ATG10: variants seen among roughly 807,000 people sequenced by gnomAD.
ATG10 encodes ubiquitin-like-conjugating enzyme ATG10.
Under a neutral mutation model 32.1 loss-of-function variants are expected in ATG10, and 30 were observed. The ratio of observed to expected loss-of-function variants is 0.94; its 90% CI spans 0.70 to 1.27. The LOEUF is 1.27. Among genes scored for constraint, ATG10 ranks in the 50% most tolerant of loss-of-function variants. The pLI, the probability that ATG10 is intolerant of heterozygous loss-of-function variation, is 0.00. For missense variants in ATG10, 233 were observed against 262.3 expected, an observed-to-expected ratio of 0.89 and a Z score of 0.77; for synonymous variants, 87 against 91.5, an observed-to-expected ratio of 0.95 and a Z score of 0.28.
intron 1 of ATG10, among the ~76,000 whole-genome samples, chr5:81,974,663 G>A (rs1425822160): frequency 1.3e-5 from 2 of 152,110 alleles, no homozygotes; most frequent in Non-Finnish European, 2.9e-5. Context: ...GGAGTGCAGT[G>A]GCTATTTAGA....
intron 3 of ATG10, among the ~76,000 whole-genome samples, chr5:82,138,062 G>A (rs1488452624): frequency 6.6e-6 from 1 of 152,156 alleles, no homozygotes; most frequent in African/African-American, 2.4e-5. Flanking sequence ...CAGTAATGGT[G>A]GACGCCCCTG....
At chr5:82,143,843 G>A (rs1017352663) in intron 3 of ATG10, among the ~76,000 whole-genome samples, 1 of 152,090 alleles carries the variant, frequency 6.6e-6, no homozygotes, top group Non-Finnish European at 1.5e-5. Flanking sequence ...AGGTAATTTT[G>A]TCCTATAAAA....
Position 82,252,593 on chromosome 5 carries a change from T to TAC in ATG10, c.486_487dup (p.Leu163HisfsTer11). The TAC allele has an allele frequency of 1.2e-6, 2 of 1,610,212 alleles. No individual in the cohort carries two copies. Among genetic ancestry groups the TAC allele is most frequent in the Non-Finnish European group, 1.7e-6 (2 of 1,177,930 alleles). On this transcript the variant is annotated frameshift_variant, in exon 6 of 8. Coordinates refer to ENST00000282185, the MANE Select transcript of ATG10 (RefSeq NM_031482.5). LOFTEE classifies it high-confidence loss of function. ...CCAATACTTGGGCAACCCTTTTTTG[T>TAC]ACTTCATCCCTGCAAGACGAATGAA...
chr5:81,997,612 A>G (rs1325021220), intron 2 of ATG10, among the ~76,000 whole-genome samples: 1 of 152,170 alleles, frequency 6.6e-6, no homozygotes, highest in East Asian at 1.9e-4. Flanking sequence ...GGAAATTGAA[A>G]CCCAATTTAA....
At chr5:82,094,684 T>C (rs1718697285) in intron 3 of ATG10, among the ~76,000 whole-genome samples, 1 of 152,164 alleles carries the variant, frequency 6.6e-6, no homozygotes. Flanking sequence ...ATGTCAATTA[T>C]TAGTTAATTT....
chr5:82,063,402 A>G (rs1441615146), intron 3 of ATG10, among the ~76,000 whole-genome samples: 1 of 152,184 alleles, frequency 6.6e-6, no homozygotes, highest in African/African-American at 2.4e-5. Context: ...TTGTGATACC[A>G]GTAGAAGATA....
intron 2 of ATG10, among the ~76,000 whole-genome samples, chr5:82,021,692 C>T (rs1430761460): frequency 1.3e-5 from 2 of 151,594 alleles, no homozygotes; most frequent in African/African-American, 4.9e-5. Flanking sequence ...ACCAGCCTGG[C>T]CAACATGGTG....
chr5:82,181,345 G>A (rs1278143594), intron 5 of ATG10, among the ~76,000 whole-genome samples: 4 of 152,070 alleles, frequency 2.6e-5, no homozygotes, highest in Non-Finnish European at 5.9e-5. Context: ...GACCAAGTAG[G>A]GGAAACTCAT....
intron 2 of ATG10, among the ~76,000 whole-genome samples, chr5:82,004,137 CAA>C (rs3084711): frequency 0.98 from 148,627 of 151,006 alleles, 73,173 homozygotes; most frequent in Middle Eastern, 1. Context: ...GACTCCGTCT[CAA>C]AAAAAAAAAA....
chr5:82,144,590 GTTTTA>G, intron 3 of ATG10, among the ~76,000 whole-genome samples: 1 of 151,278 alleles, frequency 6.6e-6, no homozygotes, highest in Non-Finnish European at 1.5e-5. Context: ...GAAGTATATT[GTTTTA>G]TTTTAAAATA....
chr5:82,140,008 C>T (rs1561321274), intron 3 of ATG10, among the ~76,000 whole-genome samples: 2 of 129,704 alleles, frequency 1.5e-5, no homozygotes, highest in Non-Finnish European at 3.4e-5. Flanking sequence ...CCCGGCCGCC[C>T]CTACTGGGAA....
intron 5 of ATG10, among the ~76,000 whole-genome samples, chr5:82,251,256 A>G (rs756784451): frequency 3.3e-5 from 5 of 152,168 alleles, no homozygotes; most frequent in Admixed American, 6.5e-5. Context: ...TGAGGGGTAG[A>G]GGCAGCAAGG....
At chr5:82,121,734 T>C (rs1766046735) in intron 3 of ATG10, among the ~76,000 whole-genome samples, 1 of 152,156 alleles carries the variant, frequency 6.6e-6, no homozygotes, top group Non-Finnish European at 1.5e-5. Flanking sequence ...GTGGTTTTTG[T>C]CTTAGTTCTG....
chr5:81,982,353 C>T (rs931012399), intron 1 of ATG10, among the ~76,000 whole-genome samples: 1 of 152,130 alleles, frequency 6.6e-6, no homozygotes, highest in African/African-American at 2.4e-5. Context: ...GTAGTCCCAG[C>T]TACTTGGGAT....
chr5:82,049,159 C>G (rs1301426856), intron 2 of ATG10, among the ~76,000 whole-genome samples: 5 of 151,374 alleles, frequency 3.3e-5, no homozygotes, highest in East Asian at 3.9e-4. Flanking sequence ...AAATGTCCAA[C>G]AATGATAGAC....
At chr5:82,173,760 T>C in intron 4 of ATG10, among the ~76,000 whole-genome samples, 1 of 152,194 alleles carries the variant, frequency 6.6e-6, no homozygotes, top group Admixed American at 6.5e-5. Flanking sequence ...GTTGATTGAG[T>C]ATGCTTATGT....
chr5:81,999,601 T>A (rs1262812805), intron 2 of ATG10, among the ~76,000 whole-genome samples: 1 of 152,036 alleles, frequency 6.6e-6, no homozygotes, highest in Non-Finnish European at 1.5e-5. Flanking sequence ...AAGAATTGGT[T>A]TTTTGAAGGA....
chr5:82,057,939 C>G lies in ATG10; in HGVS notation c.109-556C>G, dbSNP rs145048961. Among the ~76,000 whole-genome samples the G allele has an allele frequency of 9.9e-5, 15 of 152,224 alleles. No individual in the cohort carries two copies. The South Asian group carries it at 2.9e-3, about 29-fold the overall frequency. ...AAAGGATGTGAAATACAGGACAAAA[C>G]TTTCTTAATGTACAATGCACTAAAA... is the stretch of plus-strand genomic sequence containing the variant. On this transcript the variant is annotated intron_variant, in intron 2 of 7. Transcript: ENST00000282185.
intron 3 of ATG10, among the ~76,000 whole-genome samples, chr5:82,158,564 G>A (rs549595019): frequency 1.3e-5 from 2 of 152,038 alleles, no homozygotes; most frequent in East Asian, 3.9e-4. Flanking sequence ...AAGTATGGGA[G>A]GATATGTGTA....
Sources: allele counts gnomAD v4.1 joint callset (sites outside exome capture counted in the v4.1 genomes callset), GRCh38; gene constraint gnomAD v4.1.1; transcripts MANE v1.5; gene names NCBI Gene and HGNC (gene_info 2026-07-23, HGNC 2026-07-21).